The following PTPRM variants were observed in gnomAD, a reference collection of about 807,000 sequenced individuals.
PTPRM encodes protein tyrosine phosphatase receptor type M, also known as receptor-type tyrosine-protein phosphatase mu.
In PTPRM, 47 loss-of-function variants were observed where a neutral mutation model predicts 186.7. The ratio of observed to expected loss-of-function variants is 0.25; its 90% CI spans 0.20 to 0.32. The LOEUF is 0.32. Among genes scored for constraint, PTPRM ranks in the 10% least tolerant of loss-of-function variants. PTPRM has a pLI of 1.00. For missense variants in PTPRM, 1,494 were observed against 1,865.0 expected (o/e 0.80, Z 3.66); for synonymous variants, 668 against 674.9 (o/e 0.99, Z 0.16).
intron 29 of PTPRM, among the ~76,000 whole-genome samples, chr18:8,383,133 A>T (rs548337310): frequency 2.0e-5 from 3 of 151,720 alleles, no homozygotes; most frequent in Non-Finnish European, 4.4e-5. Context: ...CCCCCTCTCC[A>T]CTAAAAATAC....
chr18:8,366,490 C>G (rs1430521218), intron 23 of PTPRM, among the ~76,000 whole-genome samples: 1 of 152,222 alleles, frequency 6.6e-6, no homozygotes, highest in East Asian at 1.9e-4. Context: ...CAGTCATGTG[C>G]TGGCAGCCTC....
At chr18:8,185,362 G>A (rs1407877096) in intron 14 of PTPRM, among the ~76,000 whole-genome samples, 1 of 152,248 alleles carries the variant, frequency 6.6e-6, no homozygotes, top group East Asian at 1.9e-4. Context: ...AGGAGGCACC[G>A]CATGATCTCC....
intron 7 of PTPRM, among the ~76,000 whole-genome samples, chr18:7,997,151 C>T (rs1361506690): frequency 6.6e-6 from 1 of 152,072 alleles, no homozygotes; most frequent in Non-Finnish European, 1.5e-5. Context: ...TGCTACAAAG[C>T]TATAATAAGC....
chr18:7,871,730 G>A (rs956764269), intron 2 of PTPRM, among the ~76,000 whole-genome samples: 9 of 152,162 alleles, frequency 5.9e-5, no homozygotes, highest in African/African-American at 9.7e-5. Context: ...TGCCACTTTT[G>A]TGTGTGCCCT....
At chr18:8,381,361 A>C (rs75653930) in intron 29 of PTPRM, among the ~76,000 whole-genome samples, 1 of 9,814 alleles carries the variant, frequency 1.0e-4, no homozygotes, top group Non-Finnish European at 1.7e-4. Context: ...TCTTTTTCTT[A>C]AAAAAAAAAA....
chr18:7,612,498 C>CA (rs1392189279), intron 1 of PTPRM, among the ~76,000 whole-genome samples: 4 of 152,216 alleles, frequency 2.6e-5, no homozygotes, highest in Non-Finnish European at 5.9e-5. Flanking sequence ...ACCTGTCTCT[C>CA]AATTGTTCCA....
intron 19 of PTPRM, among the ~76,000 whole-genome samples, chr18:8,268,120 T>G (rs1339335616): frequency 6.6e-6 from 1 of 152,142 alleles, no homozygotes; most frequent in Non-Finnish European, 1.5e-5. Flanking sequence ...TAGGAAAAAC[T>G]CTGTATAGTT....
At chr18:7,904,890 G>T (rs935400589) in intron 3 of PTPRM, among the ~76,000 whole-genome samples, 1 of 152,170 alleles carries the variant, frequency 6.6e-6, no homozygotes, top group Non-Finnish European at 1.5e-5. Context: ...CATTCATGTG[G>T]ATCTTTTAAA....
chr18:8,272,234 A>AAGAT (rs1256242900), intron 19 of PTPRM, among the ~76,000 whole-genome samples: 1 of 151,558 alleles, frequency 6.6e-6, no homozygotes, highest in East Asian at 1.9e-4. Flanking sequence ...GAAAGAAAGA[A>AAGAT]AGAAAAAAGA....
intron 8 of PTPRM, among the ~76,000 whole-genome samples, chr18:8,072,333 GCT>G (rs1488630369): frequency 6.6e-6 from 1 of 152,174 alleles, no homozygotes; most frequent in Non-Finnish European, 1.5e-5. Flanking sequence ...ACTGTCATGA[GCT>G]AGGAATTCTG....
intron 19 of PTPRM, among the ~76,000 whole-genome samples, chr18:8,259,689 C>T (rs2094608420): frequency 1.3e-5 from 2 of 152,108 alleles, no homozygotes; most frequent in Admixed American, 1.3e-4. Context: ...TGTGGCCCAC[C>T]CAGGCTGGAG....
At chr18:8,052,928 G>A (rs998750617) in intron 7 of PTPRM, among the ~76,000 whole-genome samples, 1 of 152,146 alleles carries the variant, frequency 6.6e-6, no homozygotes, top group African/African-American at 2.4e-5. Flanking sequence ...TCTCAGATTA[G>A]TATTAAGCTT....
intron 1 of PTPRM, among the ~76,000 whole-genome samples, chr18:7,605,418 G>GT (rs2037506274): frequency 7.4e-6 from 1 of 134,512 alleles, no homozygotes; most frequent in African/African-American, 3.3e-5. Flanking sequence ...CAGCAAAAAT[G>GT]TCCCCCCCCC....
chr18:7,658,330 T>TTATATA (rs34009975), intron 1 of PTPRM, among the ~76,000 whole-genome samples: 2,505 of 124,236 alleles, frequency 0.02, 59 homozygotes, highest in East Asian at 0.055. Flanking sequence ...TAAAGTAAAT[T>TTATATA]TATATATATA....
At chr18:7,602,124 ATT>A (rs779966360) in intron 1 of PTPRM, among the ~76,000 whole-genome samples, 8 of 152,274 alleles carry the variant, frequency 5.3e-5, no homozygotes, top group Non-Finnish European at 8.8e-5. Flanking sequence ...TCAGCAATGA[ATT>A]GGCCGTCTCC....
chr18:7,834,079 G>T (rs1374903967), intron 2 of PTPRM, among the ~76,000 whole-genome samples: 2 of 151,968 alleles, frequency 1.3e-5, no homozygotes, highest in African/African-American at 4.8e-5. Context: ...GTTATATATT[G>T]CTTTTACTAT....
intron 1 of PTPRM, among the ~76,000 whole-genome samples, chr18:7,624,856 G>A (rs1293412926): frequency 3.9e-5 from 6 of 152,210 alleles, no homozygotes; most frequent in African/African-American, 1.4e-4. Flanking sequence ...TGAATGCACT[G>A]TGCAGAGCTC....
intron 4 of PTPRM, among the ~76,000 whole-genome samples, chr18:7,921,645 G>T (rs1333317895): frequency 6.6e-6 from 1 of 152,070 alleles, no homozygotes; most frequent in East Asian, 1.9e-4. Flanking sequence ...CTCTCAAAGT[G>T]CTGGGATTAC....
intron 14 of PTPRM, among the ~76,000 whole-genome samples, chr18:8,199,828 T>C (rs975871217): frequency 1.3e-5 from 2 of 152,170 alleles, no homozygotes; most frequent in Non-Finnish European, 2.9e-5. Flanking sequence ...CTTAACAAGA[T>C]TCTCTTACCT....
Sources: allele counts gnomAD v4.1 joint callset (sites outside exome capture counted in the v4.1 genomes callset), GRCh38; gene constraint gnomAD v4.1.1; transcripts MANE v1.5; gene names NCBI Gene and HGNC (gene_info 2026-07-23, HGNC 2026-07-21).